ZFHX3: variants seen among roughly 807,000 people sequenced by gnomAD.
ZFHX3 encodes the protein zinc finger homeobox protein 3.
Under a neutral mutation model 279.1 loss-of-function variants are expected in ZFHX3, and 42 were observed. The observed-to-expected ratio is 0.15, with a 90% CI of 0.12 to 0.19. The LOEUF (loss-of-function observed/expected upper bound fraction) is 0.19, where lower values mean the gene tolerates loss of function less well. Among genes scored for constraint, ZFHX3 ranks in the 10% least tolerant of loss-of-function variants. The pLI is 1.00. For synonymous variants in ZFHX3, 2,293 were observed against 1,957.8 expected (o/e 1.17, Z -4.52); for missense variants, 4,981 against 4,754.0 (o/e 1.05, Z -1.40).
chr16:73,431,157 T>G (rs2017903691), intron 3 of ZFHX3, among the ~76,000 whole-genome samples: 1 of 152,358 alleles, frequency 6.6e-6, no homozygotes, highest in Admixed American at 6.5e-5. Context: ...TTGCTTTTCC[T>G]TTATACATGC....
intron 1 of ZFHX3, 59 bp downstream of exon 1, chr16:73,047,693 G>C (rs1011771366): frequency 1.3e-5 from 2 of 152,868 alleles, no homozygotes; most frequent in South Asian, 4.1e-4. Flanking sequence ...GCCAAGACTC[G>C]CAGCACCTGC....
Position 72,787,450 on chromosome 16 carries a change from G to A in ZFHX3, c.10826C>T (p.Ser3609Phe), listed in dbSNP as rs1567505140. 4.5e-6 allele frequency: 7 copies of A among 1,547,072 alleles called. No individual in the cohort carries two copies. Among genetic ancestry groups the A allele is most frequent in the African/African-American group, 1.4e-5 (1 of 72,544 alleles). ...CCAAGACTTCCTGGAGGCGTGGGGG[G>A]AAGCGGAGGAGGGGGCGGCGGCCGA... ...PPSAAAPSSA[S>F]PHASRKSWPQ... Residue 3609 changes from serine to phenylalanine, a missense_variant, in exon 10 of 10, where the codon TCC becomes TTC. This residue lies in a region of ZFHX3 where 1,034 missense variants were observed against 786.0 expected (regional missense o/e 1.32). Coordinates refer to ENST00000268489, the MANE Select transcript of ZFHX3 (RefSeq NM_006885.4).
chr16:72,790,608 C>T (rs1317478595), intron 9 of ZFHX3: 1 of 152,184 alleles, frequency 6.6e-6, no homozygotes, highest in Non-Finnish European at 1.5e-5. Context: ...ACTGGATAGC[C>T]AAGGAGAAAG....
intron 5 of ZFHX3, among the ~76,000 whole-genome samples, chr16:72,816,847 A>AG: frequency 6.6e-6 from 1 of 152,346 alleles, no homozygotes; most frequent in East Asian, 1.9e-4. Context: ...TGGCTCCCTT[A>AG]GGGGGAAAAT....
intron 1 of ZFHX3, among the ~76,000 whole-genome samples, chr16:72,970,320 T>TA (rs1962048469): frequency 6.6e-6 from 1 of 152,166 alleles, no homozygotes; most frequent in Admixed American, 6.5e-5. Context: ...AGCTATTATT[T>TA]ATGCTCTGCC....
chr16:73,537,509 G>T (rs1005023621), intron 2 of ZFHX3, among the ~76,000 whole-genome samples: 4 of 151,840 alleles, frequency 2.6e-5, no homozygotes, highest in African/African-American at 9.7e-5. Context: ...GTAGAGATGG[G>T]GTTTCGCCAT....
intron 3 of ZFHX3, among the ~76,000 whole-genome samples, chr16:73,413,758 T>C (rs1308709038): frequency 6.6e-6 from 1 of 152,216 alleles, no homozygotes; most frequent in Non-Finnish European, 1.5e-5. Context: ...TTGTTCATGT[T>C]ATGCATTTGA....
chr16:73,104,863 G>A (rs919967439), intron 7 of ZFHX3, among the ~76,000 whole-genome samples: 4 of 152,068 alleles, frequency 2.6e-5, no homozygotes, highest in African/African-American at 2.4e-5. Context: ...TTTTATGTTC[G>A]CTTCCATCAT....
At chr16:72,984,933 CTATACACA>C (rs1962784123) in intron 1 of ZFHX3, among the ~76,000 whole-genome samples, 1 of 151,728 alleles carries the variant, frequency 6.6e-6, no homozygotes, top group Non-Finnish European at 1.5e-5. Flanking sequence ...GCATATATAC[CTATACACA>C]TATACACATA....
At chr16:73,142,395 C>G (rs767661393) in intron 6 of ZFHX3, among the ~76,000 whole-genome samples, 16 of 152,196 alleles carry the variant, frequency 1.1e-4, no homozygotes, top group Non-Finnish European at 1.9e-4. Context: ...CATGCCAATA[C>G]CCGCCGTAGA....
intron 3 of ZFHX3, among the ~76,000 whole-genome samples, chr16:73,322,469 C>T (rs942265316): frequency 6.6e-6 from 1 of 152,158 alleles, no homozygotes; most frequent in Non-Finnish European, 1.5e-5. Flanking sequence ...AATAGGACAC[C>T]TAGAGAAGAA....
Position 73,708,461 on chromosome 16 carries a change from G to A in ZFHX3, c.-1607-28221C>T, listed in dbSNP as rs1441852768. Among the ~76,000 whole-genome samples, 3 of 152,118 alleles carry A rather than the reference G, an allele frequency of 2.0e-5. No individual in the cohort carries two copies. The East Asian group carries it at 5.8e-4, about 29-fold the overall frequency. On this transcript the variant is annotated intron_variant, in intron 1 of 17. Transcript: ENST00000641206. ...CTATTACTCCAGAAATAATTACTGG[G>A]GGTAAAAGAAATATTTCTCACAAAC...
At chr16:73,658,573 G>C (rs1237555430) in intron 2 of ZFHX3, among the ~76,000 whole-genome samples, 1 of 152,180 alleles carries the variant, frequency 6.6e-6, no homozygotes, top group Non-Finnish European at 1.5e-5. Flanking sequence ...AAAGTGCTGG[G>C]ATTACAGGCA....
At chr16:73,277,219 C>G (rs1301436012) in intron 4 of ZFHX3, among the ~76,000 whole-genome samples, 2 of 152,186 alleles carry the variant, frequency 1.3e-5, no homozygotes, top group African/African-American at 4.8e-5. Context: ...CATGACAAAT[C>G]TCAGGGCTGA....
In ZFHX3 at chr16:73,817,893, C is replaced by T. The variant is rs142487203; in HGVS notation, c.-1608+73758G>A. Among the ~76,000 whole-genome samples the T allele has an allele frequency of 1.1e-3, 167 of 152,262 alleles. No homozygotes were observed. The Middle Eastern group carries it at 0.014, about 12-fold the overall frequency. On this transcript the variant is annotated intron_variant, in intron 1 of 17. Coordinates refer to the ZFHX3 transcript ENST00000641206. ...CTATTTATGAGTTGATCATTTGTAC[C>T]GAACCCCCCTCAAAGTGCCAAGGGT...
intron 3 of ZFHX3, among the ~76,000 whole-genome samples, chr16:73,329,431 T>C (rs2015756154): frequency 6.6e-6 from 1 of 152,240 alleles, no homozygotes; most frequent in Non-Finnish European, 1.5e-5. Flanking sequence ...GCCATTTAAT[T>C]AAAGCAATCC....
chr16:73,197,199 C>A (rs1261363108), intron 5 of ZFHX3, among the ~76,000 whole-genome samples: 3 of 152,166 alleles, frequency 2.0e-5, no homozygotes, highest in Non-Finnish European at 4.4e-5. Context: ...TAATGTGTGG[C>A]CTCCTGTCTA....
chr16:73,662,322 T>C (rs552105537), intron 2 of ZFHX3, among the ~76,000 whole-genome samples: 29 of 152,306 alleles, frequency 1.9e-4, no homozygotes, highest in African/African-American at 6.7e-4. Flanking sequence ...CATGAGATTC[T>C]TTTTTTCTCT....
intron 5 of ZFHX3, among the ~76,000 whole-genome samples, chr16:73,212,306 C>T (rs1330952571): frequency 2.0e-5 from 3 of 152,098 alleles, no homozygotes; most frequent in African/African-American, 7.2e-5. Context: ...AAAAACTCTA[C>T]ATACTCTAGC....
Sources: allele counts gnomAD v4.1 joint callset (sites outside exome capture counted in the v4.1 genomes callset), GRCh38; gene constraint gnomAD v4.1.1; regional missense constraint gnomAD v4.1.1; transcripts MANE v1.5; gene names NCBI Gene and HGNC (gene_info 2026-07-23, HGNC 2026-07-21).